NAV3: variants seen among roughly 807,000 people sequenced by gnomAD.
NAV3 encodes neuron navigator 3, also known as pore membrane and/or filament interacting like protein 1.
A neutral mutation model predicts 244.7 loss-of-function variants in NAV3; 87 were observed. The ratio of observed to expected loss-of-function variants is 0.36; its 90% CI spans 0.30 to 0.42. The LOEUF is 0.42. NAV3 is among the 20% of genes least tolerant of loss of function. The pLI is 1.00. For synonymous variants in NAV3, 1,126 were observed against 1,042.2 expected (o/e 1.08, Z -1.55); for missense variants, 2,663 against 2,893.3 (o/e 0.92, Z 1.83).
At chr12:78,154,835 T>G (rs1957237780) in intron 22 of NAV3, among the ~76,000 whole-genome samples, 1 of 152,014 alleles carries the variant, frequency 6.6e-6, no homozygotes, top group African/African-American at 2.4e-5. Flanking sequence ...GTTTAATCAG[T>G]TTTACTTTCC....
intron 1 of NAV3, among the ~76,000 whole-genome samples, chr12:77,906,541 G>A (rs1885997269): frequency 6.6e-6 from 1 of 151,918 alleles, no homozygotes; most frequent in African/African-American, 2.4e-5. Flanking sequence ...AATATTGGTG[G>A]CAATGGACTA....
At chr12:77,808,151 A>G (rs555775687) in intron 2 of NAV3, among the ~76,000 whole-genome samples, 1 of 152,076 alleles carries the variant, frequency 6.6e-6, no homozygotes, top group East Asian at 1.9e-4. Context: ...GTTTGTTATT[A>G]CCCACCTTCT....
intron 2 of NAV3, among the ~76,000 whole-genome samples, chr12:77,572,983 G>A (rs1194711165): frequency 1.3e-5 from 2 of 152,136 alleles, no homozygotes; most frequent in Admixed American, 1.3e-4. Flanking sequence ...TTATCAGAAG[G>A]GTTAGAGATG....
chr12:77,874,867 TA>T (rs564859557), intron 1 of NAV3, among the ~76,000 whole-genome samples: 41 of 146,318 alleles, frequency 2.8e-4, no homozygotes, highest in Middle Eastern at 3.5e-3. Flanking sequence ...TTTTATTCTG[TA>T]TTTTTTTTAT....
chr12:77,990,196 T>C (rs879342044), intron 5 of NAV3, among the ~76,000 whole-genome samples: 2 of 132,562 alleles, frequency 1.5e-5, no homozygotes, highest in Non-Finnish European at 3.2e-5. Context: ...ACTCAGTTGC[T>C]GCAGCTGACA....
At chr12:77,950,066 A>G (rs1890730547) in intron 3 of NAV3, among the ~76,000 whole-genome samples, 2 of 152,108 alleles carry the variant, frequency 1.3e-5, no homozygotes, top group South Asian at 4.1e-4. Context: ...TCAGCTACTG[A>G]TGAACATCTT....
At chr12:77,998,286 T>TA in intron 6 of NAV3, 51 bp from the exon 7 acceptor site, 1 of 1,373,920 alleles carries the variant, frequency 7.3e-7, no homozygotes, top group Non-Finnish European at 9.6e-7. Flanking sequence ...TCCTGCTTCT[T>TA]ACCTTTTTGT....
intron 1 of NAV3, among the ~76,000 whole-genome samples, chr12:77,934,586 A>T (rs145180087): frequency 2.3e-3 from 343 of 152,262 alleles, no homozygotes; most frequent in African/African-American, 7.5e-3. Flanking sequence ...TGGGAAAAAC[A>T]CTTACTTCAC....
At chr12:78,052,644 TGTTA>T (rs931581447) in intron 11 of NAV3, among the ~76,000 whole-genome samples, 2 of 152,140 alleles carry the variant, frequency 1.3e-5, no homozygotes, top group Non-Finnish European at 2.9e-5. Context: ...TTTTGGTTGT[TGTTA>T]GTTATAATTA....
chr12:77,646,054 G>A (rs548250663), intron 2 of NAV3, among the ~76,000 whole-genome samples: 1 of 152,102 alleles, frequency 6.6e-6, no homozygotes, highest in South Asian at 2.1e-4. Flanking sequence ...TTTACTTAAG[G>A]TATACAACAT....
At chr12:77,895,838 C>A (rs1430768798) in intron 1 of NAV3, among the ~76,000 whole-genome samples, 1 of 148,032 alleles carries the variant, frequency 6.8e-6, no homozygotes, top group Non-Finnish European at 1.5e-5. Flanking sequence ...TTTCCCAGTC[C>A]TTTTCAAAGA....
At chr12:78,136,393 C>T (rs544592930) in intron 18 of NAV3, among the ~76,000 whole-genome samples, 3 of 152,254 alleles carry the variant, frequency 2.0e-5, no homozygotes, top group South Asian at 4.1e-4. Flanking sequence ...TCAACCAAAT[C>T]TTTCCTTAAA....
At chr12:77,801,787 A>G (rs963670181) in intron 2 of NAV3, among the ~76,000 whole-genome samples, 3 of 152,178 alleles carry the variant, frequency 2.0e-5, no homozygotes, top group Non-Finnish European at 4.4e-5. Context: ...CTGATGTCCT[A>G]GCTACCCCAT....
At position 78,075,105 on chromosome 12, in the gene NAV3, AC is replaced by A. The variant is rs1157263134; in HGVS notation, c.2636+15991del. 3.9e-5 allele frequency among the ~76,000 whole-genome samples: 6 copies of A among 152,158 alleles called. No homozygotes were observed. In the East Asian group the frequency reaches 1.2e-3, roughly 29 times the overall value. The stretch of plus-strand genomic sequence containing the variant: ...GTGAGTCTACCTGATCAGGACTATC[AC>A]TGATCCTTTACTTTCCCTGTATATC... On this transcript the variant is annotated intron_variant, in intron 12 of 39. Transcript: ENST00000397909.
chr12:77,737,305 T>C (rs1877377545), intron 2 of NAV3, among the ~76,000 whole-genome samples: 1 of 150,394 alleles, frequency 6.6e-6, no homozygotes, highest in Non-Finnish European at 1.5e-5. Context: ...AAAAAATGCA[T>C]AGAACAGTGT....
chr12:78,032,049 A>G (rs1000345854), intron 9 of NAV3, among the ~76,000 whole-genome samples: 2 of 152,170 alleles, frequency 1.3e-5, no homozygotes, highest in East Asian at 3.9e-4. Context: ...ATTCAAGGCC[A>G]TTGTCGGAAA....
At chr12:77,596,465 A>G (rs901452327) in intron 2 of NAV3, among the ~76,000 whole-genome samples, 13 of 152,160 alleles carry the variant, frequency 8.5e-5, no homozygotes, top group African/African-American at 3.1e-4. Flanking sequence ...CATGGCTCAC[A>G]TTTCTAAAAT....
chr12:78,157,226 A>G (rs560199165), intron 22 of NAV3, among the ~76,000 whole-genome samples: 65 of 151,952 alleles, frequency 4.3e-4, no homozygotes, highest in Non-Finnish European at 6.9e-4. Flanking sequence ...GTTCACTTTT[A>G]TATATGTGTG....
chr12:77,924,539 G>A (rs1888010387), intron 1 of NAV3, among the ~76,000 whole-genome samples: 1 of 152,076 alleles, frequency 6.6e-6, no homozygotes, highest in Non-Finnish European at 1.5e-5. Flanking sequence ...GTGTATCCCC[G>A]CTTGGGTCAA....
Sources: gnomAD v4.1 joint callset for allele counts (sites outside exome capture counted in the v4.1 genomes callset) on GRCh38, gnomAD v4.1.1 for gene constraint, MANE v1.5 for transcripts, NCBI Gene and HGNC (gene_info 2026-07-23, HGNC 2026-07-21) for gene names.